Variants in ZMYND8 observed in about 807,000 individuals in gnomAD.
ZMYND8 encodes the protein zinc finger MYND-type containing 8, also known as MYND-type zinc finger-containing chromatin reader ZMYND8.
A neutral mutation model predicts 140.8 loss-of-function variants in ZMYND8; 37 were observed. The ratio of observed to expected loss-of-function variants is 0.26; its 90% CI spans 0.20 to 0.35. The LOEUF is 0.35. Among genes scored for constraint, ZMYND8 ranks in the 10% least tolerant of loss-of-function variants. The probability of loss-of-function intolerance (pLI) is 1.00; values close to 1 mark genes in which losing one functional copy is unlikely to be tolerated. For synonymous variants in ZMYND8, 592 were observed against 597.1 expected (o/e 0.99, Z 0.12); for missense variants, 1,068 against 1,570.0 (o/e 0.68, Z 5.40).
At chr20:47,308,183 C>CCA (rs1170826504) in intron 3 of ZMYND8, among the ~76,000 whole-genome samples, 1 of 150,544 alleles carries the variant, frequency 6.6e-6, no homozygotes, top group Admixed American at 6.6e-5. Flanking sequence ...TACTGAAGAA[C>CCA]CACATGTGAC....
chr20:47,266,383 G>A (rs995941377), intron 11 of ZMYND8, among the ~76,000 whole-genome samples: 5 of 151,956 alleles, frequency 3.3e-5, no homozygotes, highest in African/African-American at 7.3e-5. Context: ...GGGTTCAAGC[G>A]GATTCTCCTG....
chr20:47,310,096 T>C lies in ZMYND8; in HGVS notation c.194A>G (p.Lys65Arg), dbSNP rs2078809414. The C allele has an allele frequency of 2.5e-6, 4 of 1,614,210 alleles. No homozygotes were observed. The highest frequency in any genetic ancestry group is 3.4e-6 in the Non-Finnish European group (4 of 1,180,036). ...ACTGTTCAGTAAGCCAGGTTTCTTT[T>C]TCTTTTTAATGGGGCTTGTTGATGT... ...QDTSTSPIKKKKKPGLLNSNN... is the reference protein window; with the variant it reads ...QDTSTSPIKKRKKPGLLNSNN... Residue 65 changes from lysine (K) to arginine (R), a missense_variant, in exon 3 of 23, where the codon AAA becomes AGA. Physicochemically the swap from Lys to Arg is conservative, Grantham distance 26. Coordinates refer to ENST00000471951, the MANE Select transcript of ZMYND8 (RefSeq NM_001281775.3).
chr20:47,222,494 C>A (rs1310556140), intron 19 of ZMYND8, among the ~76,000 whole-genome samples: 1 of 152,152 alleles, frequency 6.6e-6, no homozygotes, highest in Non-Finnish European at 1.5e-5. Context: ...TGAGATCGCG[C>A]CGTTGCACTC....
At chr20:47,295,955 C>T (rs2077608674) in intron 4 of ZMYND8, among the ~76,000 whole-genome samples, 1 of 152,070 alleles carries the variant, frequency 6.6e-6, no homozygotes, top group Non-Finnish European at 1.5e-5. Context: ...TTTTTCACAT[C>T]TCTGGGGCCT....
intron 21 of ZMYND8, among the ~76,000 whole-genome samples, chr20:47,216,764 G>A (rs567543546): frequency 1.8e-4 from 27 of 152,240 alleles, no homozygotes; most frequent in African/African-American, 6.3e-4. Context: ...CCGAGATCAT[G>A]CCACTGCACT....
At chr20:47,235,499 G>GT (rs1275766905) in intron 16 of ZMYND8, among the ~76,000 whole-genome samples, 2 of 152,164 alleles carry the variant, frequency 1.3e-5, no homozygotes, top group African/African-American at 2.4e-5. Flanking sequence ...GAGGTCAGGA[G>GT]TTTGAGACCA....
intron 19 of ZMYND8, among the ~76,000 whole-genome samples, chr20:47,221,807 AG>A (rs1354673423): frequency 6.6e-6 from 1 of 152,202 alleles, no homozygotes; most frequent in Non-Finnish European, 1.5e-5. Context: ...GCTGGGACTC[AG>A]GTGCACACCA....
intron 20 of ZMYND8, 63 bp from the exon 21 acceptor site, chr20:47,220,387 A>T (rs2036768965): frequency 7.5e-7 from 1 of 1,340,482 alleles, no homozygotes; most frequent in Non-Finnish European, 1.0e-6. Context: ...CCCCACAGGG[A>T]AATCCAGGGA....
intron 12 of ZMYND8, among the ~76,000 whole-genome samples, chr20:47,260,620 G>A (rs573390385): frequency 2.6e-5 from 4 of 152,226 alleles, no homozygotes; most frequent in East Asian, 1.9e-4. Flanking sequence ...AAGAGGCCCC[G>A]TTTAACCCCT....
intron 21 of ZMYND8, among the ~76,000 whole-genome samples, chr20:47,219,698 A>T (rs1245450907): frequency 6.6e-6 from 1 of 152,114 alleles, no homozygotes; most frequent in East Asian, 1.9e-4. Flanking sequence ...GGGCTAAGGA[A>T]GGAAGACAGC....
chr20:47,297,421 C>T (rs1225244255), intron 4 of ZMYND8, among the ~76,000 whole-genome samples: 1 of 149,766 alleles, frequency 6.7e-6, no homozygotes, highest in Admixed American at 6.7e-5. Flanking sequence ...TCCAATGTAC[C>T]TTTTTTTTTT....
intron 2 of ZMYND8, among the ~76,000 whole-genome samples, chr20:47,314,404 C>T (rs1195994026): frequency 6.6e-6 from 1 of 152,106 alleles, no homozygotes; most frequent in African/African-American, 2.4e-5. Flanking sequence ...GAGGCTGAAG[C>T]GGGAGAATCA....
chr20:47,219,372 A>T (rs995032279), intron 21 of ZMYND8, among the ~76,000 whole-genome samples: 5 of 151,618 alleles, frequency 3.3e-5, no homozygotes, highest in South Asian at 2.1e-4. Flanking sequence ...AATTTTTTTA[A>T]AAAATTAGCC....
intron 2 of ZMYND8, among the ~76,000 whole-genome samples, chr20:47,329,246 C>T (rs16992507): frequency 0.04 from 6,047 of 152,252 alleles, 415 homozygotes; most frequent in African/African-American, 0.13. Context: ...ACTAAGGCTA[C>T]GGAACAGTGT....
In ZMYND8 at chr20:47,298,528, T is replaced by A; in HGVS notation, c.453+201A>T. 1 of 985,398 alleles carries A rather than the reference T, an allele frequency of 1.0e-6. No homozygotes were observed. Among genetic ancestry groups the A allele is most frequent in the Non-Finnish European group, 1.2e-6 (1 of 829,932 alleles). The allele number at this position is 985,398 out of a possible 1,614,324, so 61.0% of individuals were successfully genotyped here. A position where few individuals can be genotyped will look rare whatever the true frequency, so the allele number is the denominator to read the frequency against. On this transcript the variant is annotated intron_variant, in intron 4 of 22. Transcript: ENST00000471951. This position sits in a 1 kb window ranked among gnomAD's most constrained non-coding sequence, Gnocchi z 5.0. Reference sequence around the variant, plus strand: ...ATGAGAAATCAGAAATAATATTCCGTGCAATTGTCTTTCCAAGAGCTGCAG... The same window carrying A: ...ATGAGAAATCAGAAATAATATTCCGAGCAATTGTCTTTCCAAGAGCTGCAG...
At chr20:47,296,302 C>T (rs2148033262) in intron 4 of ZMYND8, among the ~76,000 whole-genome samples, 1 of 152,312 alleles carries the variant, frequency 6.6e-6, no homozygotes, top group Admixed American at 6.5e-5. Flanking sequence ...GTTCCCACAA[C>T]ACAAAAAGCA....
rs375148445 is a variant in ZMYND8 at position 47,272,440 on chromosome 20, G to A, written c.1480+3874C>T. The stretch of plus-strand genomic sequence containing the variant: ...ACCAGACCAAAGGACCATTAGCCCA[G>A]AGGGTGGTGAATGTCAGGCCCCCCG... On this transcript the variant is annotated intron_variant, in intron 11 of 22. Coordinates refer to ENST00000471951, the MANE Select transcript of ZMYND8 (RefSeq NM_001281775.3). 3.3e-5 allele frequency among the ~76,000 whole-genome samples: 5 copies of A among 152,168 alleles called. No homozygotes were observed. In the East Asian group the frequency reaches 9.6e-4, roughly 29 times the overall value.
At chr20:47,212,221 G>C (rs547798713) in intron 22 of ZMYND8, among the ~76,000 whole-genome samples, 1 of 152,148 alleles carries the variant, frequency 6.6e-6, no homozygotes, top group Non-Finnish European at 1.5e-5. Flanking sequence ...GACCACCAGC[G>C]GGTACTGGAA....
At position 47,268,313 on chromosome 20, in the gene ZMYND8, G is replaced by A. The variant is rs1449984042; in HGVS notation, c.1481-5885C>T. Among the ~76,000 whole-genome samples the A allele has an allele frequency of 4.4e-5, 5 of 113,044 alleles. No individual in the cohort carries two copies. The East Asian group carries it at 8.4e-4, about 19-fold the overall frequency. The allele number at this position is 113,044 out of a possible 152,430, so 74.2% of individuals were successfully genotyped here. A position where few individuals can be genotyped will look rare whatever the true frequency, so the allele number is the denominator to read the frequency against. On this transcript the variant is annotated intron_variant, in intron 11 of 22. Coordinates refer to ENST00000471951, the MANE Select transcript of ZMYND8 (RefSeq NM_001281775.3). Reference sequence around the variant, plus strand: ...CTCTTTTTTTTTTTTTTTTTTTTCAGAAGGGAGTCTCGCTCTGTCACCCAG... The same window carrying A: ...CTCTTTTTTTTTTTTTTTTTTTTCAAAAGGGAGTCTCGCTCTGTCACCCAG...
Sources: allele counts gnomAD v4.1 joint callset (sites outside exome capture counted in the v4.1 genomes callset), GRCh38; gene constraint gnomAD v4.1.1; non-coding constraint Gnocchi (gnomAD v3.1); transcripts MANE v1.5; gene names NCBI Gene and HGNC (gene_info 2026-07-23, HGNC 2026-07-21).